Variants in SLK observed in about 807,000 individuals in gnomAD.
SLK encodes STE20 like kinase.
Under a neutral mutation model 147.7 loss-of-function variants are expected in SLK, and 67 were observed. The ratio of observed to expected loss-of-function variants is 0.45; its 90% CI spans 0.37 to 0.56. The LOEUF is 0.56. Among genes scored for constraint, SLK ranks in the 20% least tolerant of loss-of-function variants. The pLI is 0.00. For synonymous variants in SLK, 441 were observed against 475.0 expected (o/e 0.93, Z 0.93); for missense variants, 1,136 against 1,438.8 (o/e 0.79, Z 3.41).
At chr10:103,984,763 T>C (rs1258440168) in intron 1 of SLK, among the ~76,000 whole-genome samples, 1 of 152,214 alleles carries the variant, frequency 6.6e-6, no homozygotes, top group Non-Finnish European at 1.5e-5. Flanking sequence ...TAATTGCTAA[T>C]ATACTGATTT....
intron 18 of SLK, among the ~76,000 whole-genome samples, chr10:104,025,008 G>C (rs999048374): frequency 6.6e-6 from 1 of 152,128 alleles, no homozygotes; most frequent in Non-Finnish European, 1.5e-5. Context: ...TATGGATTTG[G>C]GGGGCACAGA....
chr10:103,992,142 T>TTTTTTTG (rs1554842830), intron 2 of SLK, among the ~76,000 whole-genome samples: 2 of 13,302 alleles, frequency 1.5e-4, no homozygotes, highest in African/African-American at 5.2e-4. Context: ...ATTTCTTCTG[T>TTTTTTTG]TTTTTTTTTT....
intron 18 of SLK, among the ~76,000 whole-genome samples, chr10:104,024,106 G>A (rs1265682732): frequency 3.9e-5 from 6 of 152,090 alleles, no homozygotes; most frequent in Non-Finnish European, 8.8e-5. Context: ...TGACATCTAC[G>A]CTAGAAACCA....
rs897569251 is a variant in SLK at position 103,967,572 on chromosome 10, A to C, written c.-174A>C. On this transcript the variant is annotated 5_prime_UTR_variant, in exon 1 of 19. Coordinates refer to ENST00000369755, the MANE Select transcript of SLK (RefSeq NM_014720.4). ...GCGCAGCACCCCCACCGCGGGCCGG[A>C]GCCCGGGTCGCCGCCCCGCCTTCTC... 1 of 185,178 alleles carries C rather than the reference A, an allele frequency of 5.4e-6. No homozygotes were observed. The highest frequency in any genetic ancestry group is 2.4e-5 in the African/African-American group (1 of 41,498). The allele number at this position is 185,178 out of a possible 1,614,324, so 11.5% of individuals were successfully genotyped here.
rs979196727 is a variant in SLK, at chr10:104,026,538, A to G, written c.*818A>G. The G allele has an allele frequency of 6.6e-6, 1 of 152,226 alleles. No individual in the cohort carries two copies. Among genetic ancestry groups the G allele is most frequent in the African/African-American group, 2.4e-5 (1 of 41,460 alleles). The allele number at this position is 152,226 out of a possible 1,614,324, so 9.4% of individuals were successfully genotyped here. On this transcript the variant is annotated 3_prime_UTR_variant, in exon 19 of 19. Transcript: ENST00000369755. ...AAAAAGAGGTAGCTTTTAGATTGCA[A>G]ACTGGAAATGTAAAACTCATGAAAT...
At position 104,029,083 on chromosome 10, in the gene SLK, TGCTCCTTCTC is replaced by T. The variant is rs548890119; in HGVS notation, c.*3364_*3373del. ...TTTCAATGTGGGCTGCAGCTTTTTG[TGCTCCTTCTC>T]TGGTTTGCAGTGTAATGAGTTCATA... On this transcript the variant is annotated 3_prime_UTR_variant, in exon 19 of 19. Transcript: ENST00000369755. The T allele has an allele frequency of 4.7e-4, 72 of 152,390 alleles. No individual in the cohort carries two copies. The highest frequency in any genetic ancestry group is 1.6e-3 in the African/African-American group (65 of 41,584). 9.4% of individuals were successfully genotyped at this position (152,390 alleles called of 1,614,324 possible). A position where few individuals can be genotyped will look rare whatever the true frequency, so the allele number is the denominator to read the frequency against.
Position 104,003,358 on chromosome 10 carries a change from GTTCT to G in SLK, c.2183_2186del (p.Ser728TyrfsTer35). The G allele has an allele frequency of 6.2e-7, 1 of 1,613,686 alleles. No homozygotes were observed. The highest frequency in any genetic ancestry group is 8.5e-7 in the Non-Finnish European group (1 of 1,179,700). On this transcript the variant is annotated frameshift_variant, in exon 9 of 19. Transcript: ENST00000369755. LOFTEE classifies it high-confidence loss of function. ...AGTGGAGAAAATAAAGAAGAAATAGGTTCTTTATCAAAAACTGAAACTATTCTGC... is the reference window on the plus strand; with the variant it reads ...AGTGGAGAAAATAAAGAAGAAATAGGTTATCAAAAACTGAAACTATTCTGC...
Position 104,002,746 on chromosome 10 carries a change from C to T in SLK, c.1568C>T (p.Thr523Ile), listed in dbSNP as rs756851079. ...IQAVDSEVGL[T>I]KEDTQEKLGE... is the part of the protein sequence containing the mutation. ...GCAGTTGATAGTGAAGTTGGGCTTA[C>T]AAAGGAAGACACCCAAGAGAAATTG... Residue 523 changes from threonine (T) to isoleucine (I), a missense_variant, in exon 9 of 19, where the codon ACA (threonine) becomes ATA (isoleucine). By Grantham distance (89) the Thr-to-Ile change is moderately conservative. This residue lies in a region of SLK where 516 missense variants were observed against 531.3 expected (regional missense o/e 0.97). Coordinates refer to ENST00000369755, the MANE Select transcript of SLK (RefSeq NM_014720.4). 6.2e-7 allele frequency: 1 copy of T among 1,613,598 alleles called. No individual in the cohort carries two copies. Among genetic ancestry groups the T allele is most frequent in the African/African-American group, 1.3e-5 (1 of 74,824 alleles).
chr10:104,001,480 C>T lies in SLK; in HGVS notation c.901C>T (p.Arg301Ter). Residue 301 changes from arginine to a stop codon, truncating the protein, a stop_gained, in exon 8 of 19, where the codon CGA (arginine) becomes TGA (stop). Transcript: ENST00000369755. LOFTEE classifies it high-confidence loss of function. ...TACTGTTGATTCCAACAAACCCATCCGAGAATTGATTGCAGAGGCGAAGGC... is the reference window on the plus strand; with the variant it reads ...TACTGTTGATTCCAACAAACCCATCTGAGAATTGATTGCAGAGGCGAAGGC... ...FVTVDSNKPI[R>*]ELIAEAKAEV... The T allele has an allele frequency of 2.5e-6, 4 of 1,613,892 alleles. No individual in the cohort carries two copies. Among genetic ancestry groups the T allele is most frequent in the Non-Finnish European group, 2.5e-6 (3 of 1,179,926 alleles).
At chr10:103,985,920 C>T (rs972841109) in intron 1 of SLK, among the ~76,000 whole-genome samples, 4 of 152,128 alleles carry the variant, frequency 2.6e-5, no homozygotes, top group African/African-American at 4.8e-5. Context: ...CAGTATCCCT[C>T]ATTTGTTTAT....
intron 12 of SLK, among the ~76,000 whole-genome samples, chr10:104,008,632 A>G (rs1844360210): frequency 6.6e-6 from 1 of 152,172 alleles, no homozygotes; most frequent in African/African-American, 2.4e-5. Context: ...GACTACCCCT[A>G]AATATCCAGC....
At chr10:104,020,789 G>A (rs1328815061) in intron 17 of SLK, among the ~76,000 whole-genome samples, 176 bp downstream of exon 17, 1 of 152,190 alleles carries the variant, frequency 6.6e-6, no homozygotes, top group Non-Finnish European at 1.5e-5. Context: ...ATAGGCACTT[G>A]TGTAGATTAT....
At position 103,999,838 on chromosome 10, in the gene SLK, A is replaced by AT. The variant is rs770300423; in HGVS notation, c.783-28dup. 3 of 936,174 alleles carry AT rather than the reference A, an allele frequency of 3.2e-6. No individual in the cohort carries two copies. In the Admixed American group the frequency reaches 6.3e-5, roughly 20 times the overall value. 58.0% of individuals were successfully genotyped at this position (936,174 alleles called of 1,614,324 possible). On this transcript the variant is annotated intron_variant, in intron 6 of 18. Coordinates refer to ENST00000369755, the MANE Select transcript of SLK (RefSeq NM_014720.4). ...TTAATTTGATTAACAAGAAAGTAAA[A>AT]TAGAATGTTGTTAAAATTTATTTTA...
At chr10:103,983,959 C>T (rs532294171) in intron 1 of SLK, among the ~76,000 whole-genome samples, 4 of 152,252 alleles carry the variant, frequency 2.6e-5, no homozygotes, top group Non-Finnish European at 5.9e-5. Flanking sequence ...CAATCTTTTC[C>T]CTTTGTTCCC....
intron 5 of SLK, 49 bp downstream of exon 5, chr10:103,999,020 A>G (rs1844211255): frequency 1.3e-6 from 2 of 1,532,428 alleles, no homozygotes; most frequent in Non-Finnish European, 1.8e-6. Context: ...GTCAGCAGTT[A>G]TAATTACTCA....
At chr10:103,992,867 A>G (rs898711830) in intron 3 of SLK, 117 bp from the exon 4 acceptor site, 10 of 688,196 alleles carry the variant, frequency 1.5e-5, no homozygotes, top group Non-Finnish European at 2.3e-5. Context: ...GTTCTTTTAA[A>G]ATAAATTCCC....
chr10:103,994,668 C>T (rs1844143372), intron 4 of SLK, among the ~76,000 whole-genome samples: 2 of 152,080 alleles, frequency 1.3e-5, no homozygotes, highest in African/African-American at 4.8e-5. Flanking sequence ...GTATCTATGG[C>T]ATTAAAATTT....
Position 103,969,026 on chromosome 10 carries a change from T to C in SLK, c.150+1131T>C, listed in dbSNP as rs189363997. 5.1e-3 allele frequency among the ~76,000 whole-genome samples: 783 copies of C among 152,184 alleles called. 28 individuals are homozygous for C. The highest frequency in any genetic ancestry group is 0.048 in the Admixed American group (741 of 15,280). The stretch of plus-strand genomic sequence containing the variant: ...CCCTTTTGCCCAGGCTGGAGTGCAA[T>C]AGCGCGATCTCGGCTCACTGCAACC... On this transcript the variant is annotated intron_variant, in intron 1 of 18. Coordinates refer to ENST00000369755, the MANE Select transcript of SLK (RefSeq NM_014720.4).
chr10:104,004,137 C>A lies in SLK; in HGVS notation c.2349+610C>A, dbSNP rs549723360. ...TCTGATGCAGGTGATCCATGGGCTG[C>A]CCCTTGGAAAATACTTCCTAGACCC... On this transcript the variant is annotated intron_variant, in intron 9 of 18. Transcript: ENST00000369755. 7.5e-4 allele frequency among the ~76,000 whole-genome samples: 114 copies of A among 152,112 alleles called. No homozygotes were observed. In the Middle Eastern group the frequency reaches 0.014, roughly 18 times the overall value.
Sources: allele counts gnomAD v4.1 joint callset (sites outside exome capture counted in the v4.1 genomes callset), GRCh38; gene constraint gnomAD v4.1.1; regional missense constraint gnomAD v4.1.1; transcripts MANE v1.5; gene names NCBI Gene and HGNC (gene_info 2026-07-23, HGNC 2026-07-21).